Variants in PPP2R2B observed in about 807,000 individuals in gnomAD.
PPP2R2B encodes the protein serine/threonine-protein phosphatase 2A 55 kDa regulatory subunit B beta isoform.
Under a neutral mutation model 46.0 loss-of-function variants are expected in PPP2R2B, and 5 were observed. The ratio of observed to expected loss-of-function variants is 0.11; its 90% CI spans 0.06 to 0.23. The LOEUF is 0.23. Among genes scored for constraint, PPP2R2B ranks in the 10% least tolerant of loss-of-function variants. The probability of loss-of-function intolerance (pLI) is 1.00; values close to 1 mark genes in which losing one functional copy is unlikely to be tolerated. For synonymous variants in PPP2R2B, 215 were observed against 206.7 expected, an observed-to-expected ratio of 1.04 and a Z score of -0.34; for missense variants, 367 against 575.0, an observed-to-expected ratio of 0.64 and a Z score of 3.70.
At chr5:146,889,649 T>C (rs533280476) in intron 1 of PPP2R2B, among the ~76,000 whole-genome samples, 32 of 152,316 alleles carry the variant, frequency 2.1e-4, no homozygotes, top group East Asian at 7.7e-4. Flanking sequence ...TCTCTTTCTT[T>C]GGTTTATTTT....
intron 7 of PPP2R2B, among the ~76,000 whole-genome samples, chr5:146,609,094 T>C (rs987169942): frequency 1.2e-4 from 19 of 152,164 alleles, no homozygotes; most frequent in African/African-American, 4.3e-4. Context: ...GTGGAATTTA[T>C]CCCAGGGATG....
intron 2 of PPP2R2B, among the ~76,000 whole-genome samples, chr5:146,825,378 T>C (rs538224035): frequency 6.6e-6 from 1 of 152,350 alleles, no homozygotes; most frequent in East Asian, 1.9e-4. Context: ...TATCTCCTAG[T>C]ATTCTGCTTT....
chr5:146,840,217 G>A (rs1015527156), intron 2 of PPP2R2B, among the ~76,000 whole-genome samples: 4 of 150,644 alleles, frequency 2.7e-5, no homozygotes, highest in Non-Finnish European at 5.9e-5. Context: ...GCCTGATTGA[G>A]TTCCCTTGAA....
Position 147,017,969 on chromosome 5 carries a change from C to A in PPP2R2B, c.79+37696G>T, listed in dbSNP as rs188003844. ...AGTTAGAAGATGATAAAGACAGGACCATGTAGTTTTGCATGTAGGAAATCT... is the reference window on the plus strand; with the variant it reads ...AGTTAGAAGATGATAAAGACAGGACAATGTAGTTTTGCATGTAGGAAATCT... On this transcript the variant is annotated intron_variant, in intron 1 of 8. Transcript: ENST00000336640. 4.0e-5 allele frequency among the ~76,000 whole-genome samples: 6 copies of A among 151,704 alleles called. No homozygotes were observed. The East Asian group carries it at 9.7e-4, about 25-fold the overall frequency.
At chr5:146,953,988 A>G (rs1751753621) in intron 1 of PPP2R2B, among the ~76,000 whole-genome samples, 1 of 152,184 alleles carries the variant, frequency 6.6e-6, no homozygotes, top group Admixed American at 6.6e-5. Flanking sequence ...AAATTGGGAT[A>G]TGAATATCTA....
At chr5:146,920,320 C>T (rs1212999945) in intron 1 of PPP2R2B, among the ~76,000 whole-genome samples, 2 of 152,180 alleles carry the variant, frequency 1.3e-5, no homozygotes, top group Non-Finnish European at 2.9e-5. Flanking sequence ...GCTGTCTTTG[C>T]TGTGTGCTAT....
intron 2 of PPP2R2B, among the ~76,000 whole-genome samples, chr5:146,862,447 C>A (rs1490954793): frequency 2.0e-5 from 3 of 152,176 alleles, no homozygotes; most frequent in Non-Finnish European, 4.4e-5. Flanking sequence ...TGAACTTGGA[C>A]CTCAGTTGCC....
chr5:146,949,105 A>C (rs985189118), intron 1 of PPP2R2B, among the ~76,000 whole-genome samples: 9 of 151,982 alleles, frequency 5.9e-5, no homozygotes, highest in Admixed American at 5.3e-4. Flanking sequence ...AAGGTGATAC[A>C]TGTGCTAGGT....
intron 1 of PPP2R2B, among the ~76,000 whole-genome samples, chr5:146,946,298 C>T (rs1427757245): frequency 6.6e-6 from 1 of 152,044 alleles, no homozygotes; most frequent in African/African-American, 2.4e-5. Context: ...TGATATCTGT[C>T]TTCCCCCTGT....
intron 2 of PPP2R2B, among the ~76,000 whole-genome samples, chr5:146,788,138 T>G (rs1755962926): frequency 6.6e-6 from 1 of 152,098 alleles, no homozygotes; most frequent in African/African-American, 2.4e-5. Context: ...TTGCCTCCAG[T>G]TTTCTCATGT....
At chr5:146,850,004 G>A (rs529178858) in intron 2 of PPP2R2B, among the ~76,000 whole-genome samples, 16 of 152,248 alleles carry the variant, frequency 1.1e-4, no homozygotes, top group African/African-American at 3.6e-4. Context: ...AAGGTGGAGG[G>A]TAAAGTACAA....
At chr5:146,844,245 C>T (rs1375316132) in intron 2 of PPP2R2B, among the ~76,000 whole-genome samples, 1 of 149,906 alleles carries the variant, frequency 6.7e-6, no homozygotes, top group African/African-American at 2.5e-5. Flanking sequence ...GGAGATATAC[C>T]TAATGCTAGA....
In PPP2R2B at chr5:146,635,332, C is replaced by T. The variant is rs377766628; in HGVS notation, c.790+2919G>A. On this transcript the variant is annotated intron_variant, in intron 7 of 9. Transcript: ENST00000394411. ...TGTGCAGGTTTATTACATAGCTAAA[C>T]ATGTGTCATGGGTTTTTTTTTGTGT... Among the ~76,000 whole-genome samples, 80 of 150,416 alleles carry T rather than the reference C, an allele frequency of 5.3e-4. No individual in the cohort carries two copies. The South Asian group carries it at 0.016, about 30-fold the overall frequency.
At chr5:146,675,491 A>T (rs1451678071) in intron 5 of PPP2R2B, among the ~76,000 whole-genome samples, 1 of 152,210 alleles carries the variant, frequency 6.6e-6, no homozygotes, top group Non-Finnish European at 1.5e-5. Context: ...AATGAAAGGA[A>T]AATGGCAACA....
intron 1 of PPP2R2B, among the ~76,000 whole-genome samples, chr5:146,926,089 T>C (rs1763773333): frequency 6.6e-6 from 1 of 152,184 alleles, no homozygotes; most frequent in South Asian, 2.1e-4. Flanking sequence ...TCTTTGGAAA[T>C]ATTTATAATA....
chr5:146,886,738 A>G (rs1762340856), intron 1 of PPP2R2B, among the ~76,000 whole-genome samples: 2 of 152,040 alleles, frequency 1.3e-5, no homozygotes, highest in South Asian at 4.1e-4. Flanking sequence ...GGTTATGCGT[A>G]GTTTTCTTTT....
At chr5:146,915,106 C>T (rs1389404545) in intron 1 of PPP2R2B, among the ~76,000 whole-genome samples, 3 of 152,130 alleles carry the variant, frequency 2.0e-5, no homozygotes, top group Non-Finnish European at 2.9e-5. Flanking sequence ...TCTATCTTCA[C>T]TACTACCAGT....
At chr5:147,012,990 G>A (rs1321651763) in intron 1 of PPP2R2B, among the ~76,000 whole-genome samples, 1 of 151,718 alleles carries the variant, frequency 6.6e-6, no homozygotes, top group East Asian at 1.9e-4. Context: ...AAACCCCATT[G>A]TCTCAGCCCA....
At chr5:147,012,212 C>T (rs939518562) in intron 1 of PPP2R2B, among the ~76,000 whole-genome samples, 15 of 151,962 alleles carry the variant, frequency 9.9e-5, no homozygotes, top group African/African-American at 2.4e-5. Flanking sequence ...TGGTCCTGGA[C>T]TCTTTTTGGT....
Sources: allele counts gnomAD v4.1 joint callset (sites outside exome capture counted in the v4.1 genomes callset), GRCh38; gene constraint gnomAD v4.1.1; transcripts MANE v1.5; gene names NCBI Gene and HGNC (gene_info 2026-07-23, HGNC 2026-07-21).